Variants in SAMD4A observed in about 807,000 individuals in gnomAD.
SAMD4A encodes sterile alpha motif domain containing 4A.
SAMD4A carries 33 observed loss-of-function variants against 81.3 expected under a neutral mutation model. The ratio of observed to expected loss-of-function variants is 0.41; its 90% CI spans 0.31 to 0.54. SAMD4A has a LOEUF of 0.54. SAMD4A is among the 20% of genes least tolerant of loss of function. SAMD4A has a pLI of 0.37. For missense variants in SAMD4A, 854 were observed against 951.1 expected (o/e 0.90, Z 1.34); for synonymous variants, 389 against 382.1 (o/e 1.02, Z -0.21).
At chr14:54,774,363 T>C (rs1445567017) in intron 9 of SAMD4A, among the ~76,000 whole-genome samples, 1 of 152,246 alleles carries the variant, frequency 6.6e-6, no homozygotes, top group African/African-American at 2.4e-5. Context: ...GTTTTAATTA[T>C]AGTTATTTGC....
chr14:54,778,028 T>C (rs187246325), intron 11 of SAMD4A, among the ~76,000 whole-genome samples: 1 of 152,278 alleles, frequency 6.6e-6, no homozygotes, highest in East Asian at 1.9e-4. Flanking sequence ...TAAAAAAGAA[T>C]CTGGACAAGA....
At chr14:54,784,483 T>G (rs2039083257) in intron 11 of SAMD4A, 54 bp from the exon 12 acceptor site, 8 of 1,612,416 alleles carry the variant, frequency 5.0e-6, no homozygotes, top group Non-Finnish European at 5.9e-6. Flanking sequence ...TGGAACCAGG[T>G]GGCACCCTGC....
chr14:54,647,677 C>T (rs145032287), intron 2 of SAMD4A, among the ~76,000 whole-genome samples: 1 of 152,120 alleles, frequency 6.6e-6, no homozygotes. Context: ...GTGTAATATA[C>T]CTTTTCCTTA....
intron 2 of SAMD4A, among the ~76,000 whole-genome samples, chr14:54,602,797 TA>T (rs3049831): frequency 1.3e-4 from 20 of 149,314 alleles, no homozygotes; most frequent in Admixed American, 1.3e-4. Flanking sequence ...AAAGTATAAT[TA>T]AAAAAAAAAA....
intron 9 of SAMD4A, among the ~76,000 whole-genome samples, chr14:54,773,588 G>A (rs999571913): frequency 5.3e-5 from 8 of 152,208 alleles, no homozygotes; most frequent in African/African-American, 9.7e-5. Flanking sequence ...CAACGGCAGC[G>A]CCGGCATCTG....
At chr14:54,597,233 C>CATCT (rs1566539194) in intron 2 of SAMD4A, among the ~76,000 whole-genome samples, 2 of 151,872 alleles carry the variant, frequency 1.3e-5, no homozygotes, top group African/African-American at 2.4e-5. Flanking sequence ...TCAATCCCCA[C>CATCT]ATCTCTCTAT....
At chr14:54,679,979 G>T (rs998549652) in intron 2 of SAMD4A, among the ~76,000 whole-genome samples, 1 of 152,206 alleles carries the variant, frequency 6.6e-6, no homozygotes. Context: ...CCAAATGATC[G>T]TGGACAGGTG....
chr14:54,766,531 C>T (rs141828023), intron 8 of SAMD4A, among the ~76,000 whole-genome samples: 1 of 152,256 alleles, frequency 6.6e-6, no homozygotes, highest in Non-Finnish European at 1.5e-5. Flanking sequence ...GAACCCTCTC[C>T]ACCCTGAGAC....
chr14:54,618,367 G>A (rs1200031603), intron 2 of SAMD4A, among the ~76,000 whole-genome samples: 1 of 152,096 alleles, frequency 6.6e-6, no homozygotes, highest in Non-Finnish European at 1.5e-5. Flanking sequence ...AGAACCAGTT[G>A]TTAAAATATT....
chr14:54,699,726 C>T (rs2140726988), intron 2 of SAMD4A, among the ~76,000 whole-genome samples: 1 of 152,130 alleles, frequency 6.6e-6, no homozygotes, highest in Non-Finnish European at 1.5e-5. Flanking sequence ...TTTAGAATAC[C>T]ATATATGGCT....
intron 2 of SAMD4A, among the ~76,000 whole-genome samples, chr14:54,654,978 G>T (rs2035486855): frequency 6.6e-6 from 1 of 152,176 alleles, no homozygotes; most frequent in African/African-American, 2.4e-5. Flanking sequence ...CATAAATTAG[G>T]CTGGATGACC....
intron 11 of SAMD4A, 126 bp from the exon 12 acceptor site, chr14:54,784,411 A>C (rs752733408): frequency 6.9e-6 from 11 of 1,599,400 alleles, no homozygotes; most frequent in Non-Finnish European, 8.5e-7. Flanking sequence ...AGCCCCTTCC[A>C]TGCCAGCGCT....
intron 2 of SAMD4A, 132 bp from the exon 3 acceptor site, chr14:54,701,930 C>T: frequency 1.0e-6 from 1 of 975,722 alleles, no homozygotes; most frequent in Non-Finnish European, 1.5e-6. Context: ...ATCTGATTCA[C>T]AGGCTCTTTT....
chr14:54,741,360 A>C (rs1347857233), intron 4 of SAMD4A, among the ~76,000 whole-genome samples: 1 of 152,250 alleles, frequency 6.6e-6, no homozygotes, highest in East Asian at 1.9e-4. Flanking sequence ...GTTCTCAAAG[A>C]TGGTACATAA....
At chr14:54,664,989 T>C (rs951182981) in intron 2 of SAMD4A, among the ~76,000 whole-genome samples, 2 of 152,164 alleles carry the variant, frequency 1.3e-5, no homozygotes, top group African/African-American at 4.8e-5. Flanking sequence ...TACAGTGTGT[T>C]TTAAGTTGTT....
intron 3 of SAMD4A, 135 bp downstream of exon 3, chr14:54,702,715 A>T (rs1594833477): frequency 2.7e-6 from 3 of 1,097,612 alleles, no homozygotes; most frequent in Non-Finnish European, 3.9e-6. Flanking sequence ...TGGCTGTGGG[A>T]AAGGTCCTTT....
At chr14:54,767,431 T>C (rs2038580117) in intron 8 of SAMD4A, among the ~76,000 whole-genome samples, 1 of 152,198 alleles carries the variant, frequency 6.6e-6, no homozygotes, top group Non-Finnish European at 1.5e-5. Context: ...GAATTTTACT[T>C]CTGAGACCAG....
intron 3 of SAMD4A, among the ~76,000 whole-genome samples, chr14:54,723,898 G>A (rs928270377): frequency 1.3e-5 from 2 of 152,088 alleles, no homozygotes; most frequent in South Asian, 2.1e-4. Context: ...ATTTCATAAA[G>A]CATCTTCCCA....
chr14:54,714,743 C>T (rs953459214), intron 3 of SAMD4A, among the ~76,000 whole-genome samples: 1 of 152,146 alleles, frequency 6.6e-6, no homozygotes, highest in Non-Finnish European at 1.5e-5. Context: ...GTCGTTATTA[C>T]TGCTGGTAAT....
Sources: allele counts gnomAD v4.1 joint callset (sites outside exome capture counted in the v4.1 genomes callset), GRCh38; gene constraint gnomAD v4.1.1; transcripts MANE v1.5; gene names NCBI Gene and HGNC (gene_info 2026-07-23, HGNC 2026-07-21).